PRIM2: variants seen among roughly 807,000 people sequenced by gnomAD.
PRIM2 encodes DNA primase large subunit.
Under a neutral mutation model 67.3 loss-of-function variants are expected in PRIM2, and 39 were observed. The observed-to-expected ratio is 0.58, with a 90% CI of 0.45 to 0.76. The LOEUF (loss-of-function observed/expected upper bound fraction) is 0.76, where lower values mean the gene tolerates loss of function less well. PRIM2 is among the 30% of genes least tolerant of loss of function. The pLI, the probability that PRIM2 is intolerant of heterozygous loss-of-function variation, is 0.00. For synonymous variants in PRIM2, 143 were observed against 198.7 expected (o/e 0.72, Z 2.36); for missense variants, 398 against 598.7 (o/e 0.66, Z 3.50).
At position 57,591,035 on chromosome 6, in the gene PRIM2, C is replaced by T. The variant is rs1582008385; in HGVS notation, c.1021-10058C>T. Among the ~76,000 whole-genome samples the T allele has an allele frequency of 2.6e-5, 4 of 152,194 alleles. No homozygotes were observed. The East Asian group carries it at 7.7e-4, about 29-fold the overall frequency. On this transcript the variant is annotated intron_variant, in intron 10 of 13. Transcript: ENST00000615550. The stretch of plus-strand genomic sequence containing the variant: ...CCTCCTGGACTCCTTGGGGCCTCCA[C>T]ATCTCCTTTGGTGTGTTGTTTGGTT...
At chr6:57,330,384 T>TTTTTTTTTTTTTTTTTTTTG (rs1562696759) in intron 5 of PRIM2, among the ~76,000 whole-genome samples, 22 of 35,134 alleles carry the variant, frequency 6.3e-4, no homozygotes, top group African/African-American at 1.9e-3. Flanking sequence ...TGTTTTTTTG[T>TTTTTTTTTTTTTTTTTTTTG]TTTTTTTTTT....
At chr6:57,264,837 C>A in the PRIM2 span, among the ~76,000 whole-genome samples, 7 of 152,060 alleles carry the variant, frequency 4.6e-5, no homozygotes, top group Non-Finnish European at 4.4e-5. Context: ...ACCTTGTGAT[C>A]TGCCCACTGG....
the PRIM2 span, among the ~76,000 whole-genome samples, chr6:57,230,293 C>T: frequency 1.3e-5 from 2 of 152,146 alleles, no homozygotes; most frequent in Non-Finnish European, 2.9e-5. Context: ...ATGTCTGTGT[C>T]TCACTTCCAG....
At chr6:57,407,083 C>T (rs1185404872) in intron 7 of PRIM2, among the ~76,000 whole-genome samples, 2 of 151,408 alleles carry the variant, frequency 1.3e-5, no homozygotes, top group East Asian at 1.9e-4. Context: ...ATTGGTAACC[C>T]GAATGTTATC....
chr6:57,448,008 T>C (rs1165684722), intron 7 of PRIM2, among the ~76,000 whole-genome samples: 1 of 152,226 alleles, frequency 6.6e-6, no homozygotes, highest in Non-Finnish European at 1.5e-5. Context: ...GAGTATTTGC[T>C]TTATTTACTT....
chr6:57,300,746 G>A, the PRIM2 span, among the ~76,000 whole-genome samples: 2 of 152,072 alleles, frequency 1.3e-5, no homozygotes, highest in Non-Finnish European at 2.9e-5. Flanking sequence ...TCCCCGGCCG[G>A]GTGCAGTGGC....
intron 10 of PRIM2, among the ~76,000 whole-genome samples, chr6:57,593,124 C>T (rs1285679489): frequency 0.32 from 48,234 of 151,704 alleles, 7,636 homozygotes; most frequent in East Asian, 0.44. Flanking sequence ...AATAGAAATG[C>T]ATATTGGTAT....
chr6:57,358,075 A>G (rs1769091723), intron 5 of PRIM2, among the ~76,000 whole-genome samples: 2 of 152,236 alleles, frequency 1.3e-5, no homozygotes, highest in East Asian at 1.9e-4. Flanking sequence ...GTAGCTACCT[A>G]CAGTTGTTCC....
intron 12 of PRIM2, among the ~76,000 whole-genome samples, chr6:57,618,427 G>A (rs1776790832): frequency 6.6e-6 from 1 of 152,322 alleles, no homozygotes; most frequent in Admixed American, 6.5e-5. Flanking sequence ...TTGACTGCAA[G>A]AACAAACCAG....
chr6:57,607,053 A>G (rs1353751164), intron 12 of PRIM2, among the ~76,000 whole-genome samples: 3 of 152,204 alleles, frequency 2.0e-5, no homozygotes, highest in Non-Finnish European at 4.4e-5. Flanking sequence ...GACATAGCAA[A>G]GACTATTTTC....
At chr6:57,488,999 C>T (rs1773816341) in intron 7 of PRIM2, among the ~76,000 whole-genome samples, 1 of 152,186 alleles carries the variant, frequency 6.6e-6, no homozygotes, top group African/African-American at 2.4e-5. Flanking sequence ...AAGAGATATG[C>T]GCAGCACAAC....
chr6:57,645,719 A>G (rs1272009826), intron 13 of PRIM2, among the ~76,000 whole-genome samples: 4,725 of 151,964 alleles, frequency 0.031, 232 homozygotes, highest in African/African-American at 0.11. Context: ...GACTAGAAAT[A>G]TAAATGTGGG....
chr6:57,437,243 A>G (rs1391309714), intron 7 of PRIM2, among the ~76,000 whole-genome samples: 1 of 152,236 alleles, frequency 6.6e-6, no homozygotes, highest in East Asian at 1.9e-4. Context: ...TTCATGAGAA[A>G]TCCACTTGCA....
At chr6:57,370,226 C>T (rs1769497583) in intron 5 of PRIM2, among the ~76,000 whole-genome samples, 1 of 152,078 alleles carries the variant, frequency 6.6e-6, no homozygotes, top group Non-Finnish European at 1.5e-5. Context: ...CTTGCTCTTT[C>T]AGAGAATGAG....
intron 8 of PRIM2, among the ~76,000 whole-genome samples, chr6:57,520,988 T>A (rs1289780301): frequency 3.3e-5 from 5 of 152,226 alleles, no homozygotes; most frequent in Non-Finnish European, 5.9e-5. Flanking sequence ...CTGCATGTTG[T>A]CTGATGGTAG....
chr6:57,313,675 G>A (rs1767428260), upstream of PRIM2, among the ~76,000 whole-genome samples: 1 of 152,164 alleles, frequency 6.6e-6, no homozygotes, highest in African/African-American at 2.4e-5. Flanking sequence ...GGCTAACTCT[G>A]CATTAGCTTT....
At chr6:57,531,749 C>G (rs1774896070) in intron 8 of PRIM2, among the ~76,000 whole-genome samples, 1 of 152,140 alleles carries the variant, frequency 6.6e-6, no homozygotes, top group Non-Finnish European at 1.5e-5. Context: ...CTGATCCTAA[C>G]AAGTTTCTAA....
At chr6:57,353,318 A>G (rs113872438) in intron 5 of PRIM2, among the ~76,000 whole-genome samples, 2 of 152,140 alleles carry the variant, frequency 1.3e-5, no homozygotes, top group Non-Finnish European at 2.9e-5. Flanking sequence ...CATCAGAGCT[A>G]TTGTTTGGTT....
chr6:57,238,376 G>C, the PRIM2 span, among the ~76,000 whole-genome samples: 1 of 152,030 alleles, frequency 6.6e-6, no homozygotes, highest in South Asian at 2.1e-4. Context: ...TCAGACCACA[G>C]TGCAATCAAA....
Sources: allele counts gnomAD v4.1 joint callset (sites outside exome capture counted in the v4.1 genomes callset), GRCh38; gene constraint gnomAD v4.1.1; transcripts MANE v1.5; gene names NCBI Gene and HGNC (gene_info 2026-07-23, HGNC 2026-07-21).